UNC80: variants seen among roughly 807,000 people sequenced by gnomAD.
The protein encoded by UNC80 is protein unc-80 homolog.
A neutral mutation model predicts 384.6 loss-of-function variants in UNC80; 164 were observed. The ratio of observed to expected loss-of-function variants is 0.43; its 90% CI spans 0.38 to 0.49. The LOEUF is 0.49. Among genes scored for constraint, UNC80 ranks in the 20% least tolerant of loss-of-function variants. The pLI is 0.00. For missense variants in UNC80, 3,330 were observed against 4,143.0 expected (o/e 0.80, Z 5.39); for synonymous variants, 1,486 against 1,527.8 (o/e 0.97, Z 0.64).
At chr2:209,794,702 C>T (rs1020833702) in intron 7 of UNC80, 7 of 428,088 alleles carry the variant, frequency 1.6e-5, no homozygotes, top group South Asian at 3.4e-5. Context: ...ATGCTATTCT[C>T]GATAGTGAGT....
intron 21 of UNC80, among the ~76,000 whole-genome samples, chr2:209,844,551 T>TTCCTTCCTTCCTTCCTTCCTTC (rs1559186539): frequency 8.6e-6 from 1 of 115,912 alleles, no homozygotes; most frequent in Non-Finnish European, 1.9e-5. Flanking sequence ...TTCCTTCCTT[T>TTCCTTCCTTCCTTCCTTCCTTC]TTCTTTCCAA....
In UNC80 at chr2:209,793,836, G is replaced by A. The variant is rs2077987290; in HGVS notation, c.915G>A (p.Gln305=). The change falls in exon 7 of 65, where the codon CAG becomes CAA. Residue 305 remains glutamine (Q), a synonymous_variant. Transcript: ENST00000673920. ...FDGSLSSQTS[Q]ERGPSHSRAS... The stretch of plus-strand genomic sequence containing the variant: ...GAAGTCTGTCCTCCCAAACTTCCCA[G>A]GAAAGAGGCCCATCACATTCCAGGT... The A allele has an allele frequency of 2.5e-6, 4 of 1,613,968 alleles. No individual in the cohort carries two copies. Among genetic ancestry groups the A allele is most frequent in the African/African-American group, 1.3e-5 (1 of 74,902 alleles).
intron 61 of UNC80, among the ~76,000 whole-genome samples, chr2:209,987,499 C>G (rs1169190403): frequency 2.0e-5 from 3 of 152,198 alleles, no homozygotes; most frequent in African/African-American, 7.2e-5. Context: ...TGTTCCTTCT[C>G]TGTCTCTGCC....
intron 7 of UNC80, among the ~76,000 whole-genome samples, chr2:209,804,135 A>C (rs565092704): frequency 6.6e-6 from 1 of 152,206 alleles, no homozygotes; most frequent in African/African-American, 2.4e-5. Flanking sequence ...AAAGTGATTT[A>C]AAATACCTGT....
chr2:209,893,640 G>A (rs2086555310), intron 26 of UNC80, among the ~76,000 whole-genome samples: 1 of 152,026 alleles, frequency 6.6e-6, no homozygotes, highest in African/African-American at 2.4e-5. Context: ...CTCACCCAAA[G>A]CACCCCAGTG....
intron 13 of UNC80, among the ~76,000 whole-genome samples, chr2:209,824,634 T>C (rs1308804053): frequency 6.6e-6 from 1 of 152,034 alleles, no homozygotes; most frequent in Admixed American, 6.6e-5. Context: ...CATCAGCACT[T>C]GGAATAGCTC....
At chr2:209,811,991 G>A (rs145243404) in intron 7 of UNC80, among the ~76,000 whole-genome samples, 241 of 152,306 alleles carry the variant, frequency 1.6e-3, no homozygotes, top group Middle Eastern at 6.8e-3. Context: ...CATTAAGTGA[G>A]ACAAAAGTTT....
chr2:209,992,150 T>C lies in UNC80; in HGVS notation c.9315-16T>C. On this transcript the variant is annotated splice_polypyrimidine_tract_variant and intron_variant, in intron 61 of 64. Transcript: ENST00000673920. ...TACTCTCTCCGGGGTACACTAACAC[T>C]GTTGATGCTTGGCAGGGTGGCAAGT... The C allele has an allele frequency of 6.4e-7, 1 of 1,551,092 alleles. No homozygotes were observed. Among genetic ancestry groups the C allele is most frequent in the South Asian group, 1.2e-5 (1 of 84,050 alleles).
intron 48 of UNC80, among the ~76,000 whole-genome samples, chr2:209,955,146 C>T (rs555080069): frequency 6.6e-6 from 1 of 152,118 alleles, no homozygotes; most frequent in East Asian, 1.9e-4. Context: ...CTTTGCTCCT[C>T]CATTCCATTC....
intron 4 of UNC80, among the ~76,000 whole-genome samples, chr2:209,778,952 CA>C (rs1455448522): frequency 6.6e-6 from 1 of 152,112 alleles, no homozygotes; most frequent in Non-Finnish European, 1.5e-5. Context: ...ATTCACTTTC[CA>C]TTAACTCTGT....
At chr2:209,888,896 C>T (rs998077413) in intron 26 of UNC80, among the ~76,000 whole-genome samples, 7 of 152,080 alleles carry the variant, frequency 4.6e-5, no homozygotes, top group African/African-American at 7.2e-5. Flanking sequence ...GGCATCTATT[C>T]GCACGAAATT....
At chr2:209,776,066 C>CTTTTTTT in intron 3 of UNC80, 21 bp downstream of exon 3, 4 of 1,613,622 alleles carry the variant, frequency 2.5e-6, no homozygotes, top group South Asian at 1.1e-5. Flanking sequence ...CGCATTACTT[C>CTTTTTTT]TTTATTGCAT....
intron 4 of UNC80, among the ~76,000 whole-genome samples, chr2:209,782,499 T>C (rs1021024034): frequency 5.3e-5 from 8 of 152,176 alleles, no homozygotes; most frequent in Non-Finnish European, 1.2e-4. Flanking sequence ...TTTATTGTTA[T>C]ACTTTGTTTA....
At chr2:209,946,834 A>C (rs1273748215) in intron 47 of UNC80, among the ~76,000 whole-genome samples, 1 of 152,200 alleles carries the variant, frequency 6.6e-6, no homozygotes, top group African/African-American at 2.4e-5. Context: ...ATATATCTTT[A>C]TATATTTGCC....
At chr2:209,936,996 G>A (rs973970515) in intron 41 of UNC80, 63 bp downstream of exon 41, 10 of 1,175,570 alleles carry the variant, frequency 8.5e-6, no homozygotes, top group South Asian at 2.7e-5. Flanking sequence ...CCTACCTGAG[G>A]GTGGCTCACA....
At chr2:209,805,612 C>T (rs370650183) in intron 7 of UNC80, among the ~76,000 whole-genome samples, 1 of 152,176 alleles carries the variant, frequency 6.6e-6, no homozygotes, top group African/African-American at 2.4e-5. Flanking sequence ...ATCTGTGTCT[C>T]TCCATAGGGC....
intron 4 of UNC80, among the ~76,000 whole-genome samples, chr2:209,777,887 C>T (rs1434333661): frequency 6.6e-6 from 1 of 152,164 alleles, no homozygotes; most frequent in African/African-American, 2.4e-5. Flanking sequence ...CTACTGGCCA[C>T]CTCATGATCC....
At chr2:209,793,925 A>G (rs2077994261) in intron 7 of UNC80, 66 bp downstream of exon 7, 1 of 1,579,434 alleles carries the variant, frequency 6.3e-7, no homozygotes, top group Admixed American at 1.7e-5. Context: ...ATGCATTTTT[A>G]ACTACTTCGA....
chr2:209,984,328 G>A (rs972676068), intron 60 of UNC80, among the ~76,000 whole-genome samples: 4 of 152,140 alleles, frequency 2.6e-5, no homozygotes, highest in African/African-American at 9.7e-5. Context: ...AAATTAGCAG[G>A]GAAAGTTGTG....
Sources: allele counts gnomAD v4.1 joint callset (sites outside exome capture counted in the v4.1 genomes callset), GRCh38; gene constraint gnomAD v4.1.1; transcripts MANE v1.5; gene names NCBI Gene and HGNC (gene_info 2026-07-23, HGNC 2026-07-21).